The following CABLES1 variants were observed in gnomAD, a reference collection of about 807,000 sequenced individuals.
CABLES1 encodes Cdk5 and Abl enzyme substrate 1, also known as CDK5 and ABL1 enzyme substrate 1.
Under a neutral mutation model 57.8 loss-of-function variants are expected in CABLES1, and 36 were observed. That is an observed-to-expected ratio of 0.62 (90% CI 0.48 to 0.82). The LOEUF is 0.82. Among genes scored for constraint, CABLES1 ranks in the 40% least tolerant of loss-of-function variants. The pLI, the probability that CABLES1 is intolerant of heterozygous loss-of-function variation, is 0.00. For synonymous variants in CABLES1, 374 were observed against 363.0 expected, an observed-to-expected ratio of 1.03 and a Z score of -0.35; for missense variants, 767 against 836.6, an observed-to-expected ratio of 0.92 and a Z score of 1.03.
At chr18:23,200,654 C>T (rs957161652) in intron 3 of CABLES1, among the ~76,000 whole-genome samples, 1 of 152,202 alleles carries the variant, frequency 6.6e-6, no homozygotes, top group Non-Finnish European at 1.5e-5. Flanking sequence ...AGGTTGCTAG[C>T]AGTCAACGTG....
At chr18:23,185,942 T>C (rs1277759768) in intron 1 of CABLES1, among the ~76,000 whole-genome samples, 1 of 152,216 alleles carries the variant, frequency 6.6e-6, no homozygotes, top group Non-Finnish European at 1.5e-5. Flanking sequence ...CACTGCCTTC[T>C]GGCTGTAGGG....
rs569579022 is a variant in CABLES1, at chr18:23,174,821, CATATATATATATATATATATATATAT to C, written c.846-14002_846-13977del. Among the ~76,000 whole-genome samples the C allele has an allele frequency of 1.4e-3, 135 of 94,566 alleles. 2 individuals are homozygous for C. The South Asian group carries it at 0.018, about 13-fold the overall frequency. The allele number at this position is 94,566 out of a possible 152,430, so 62.0% of individuals were successfully genotyped here. ...ATTTGTATGTATATACATGTTACAC[CATATATATATATATATATATATATAT>C]ATATATATATATATGTTTTTTAAAC... On this transcript the variant is annotated intron_variant, in intron 1 of 9. Coordinates refer to ENST00000256925, the MANE Select transcript of CABLES1 (RefSeq NM_001100619.3).
chr18:23,239,990 C>T (rs533255014), intron 7 of CABLES1, among the ~76,000 whole-genome samples: 10 of 152,240 alleles, frequency 6.6e-5, no homozygotes, highest in South Asian at 2.1e-4. Context: ...TGGTGTTGCG[C>T]GCCTGTAGTC....
At chr18:23,242,351 A>G (rs2047756955) in intron 7 of CABLES1, among the ~76,000 whole-genome samples, 1 of 152,184 alleles carries the variant, frequency 6.6e-6, no homozygotes. Flanking sequence ...TCAAGTTTCT[A>G]GAAGGTGACC....
chr18:23,213,220 G>A lies in CABLES1; in HGVS notation c.1011-757G>A, dbSNP rs1568070221. Reference sequence around the variant, plus strand: ...CAAAAGTAAATAAGCTTCCCCATATGATGTGATATTGACTTTGTGCTACAA... The same window carrying A: ...CAAAAGTAAATAAGCTTCCCCATATAATGTGATATTGACTTTGTGCTACAA... On this transcript the variant is annotated intron_variant, in intron 3 of 9. Coordinates refer to ENST00000256925, the MANE Select transcript of CABLES1 (RefSeq NM_001100619.3). Among the ~76,000 whole-genome samples, 3 of 152,210 alleles carry A rather than the reference G, an allele frequency of 2.0e-5. No individual in the cohort carries two copies. The South Asian group carries it at 6.2e-4, about 31-fold the overall frequency.
At chr18:23,239,091 T>C (rs2047673122) in intron 7 of CABLES1, among the ~76,000 whole-genome samples, 1 of 152,262 alleles carries the variant, frequency 6.6e-6, no homozygotes, top group Non-Finnish European at 1.5e-5. Context: ...ATCTTTTTTT[T>C]CTTTAAATGA....
chr18:23,145,202 G>C (rs537785461), intron 1 of CABLES1, among the ~76,000 whole-genome samples: 68 of 152,260 alleles, frequency 4.5e-4, no homozygotes, highest in African/African-American at 1.5e-3. Context: ...CTTCCAAAGT[G>C]CTGGGATTAC....
In CABLES1 at chr18:23,136,381, G is replaced by A. The variant is rs2046821508; in HGVS notation, c.619G>A (p.Glu207Lys). Residue 207 changes from glutamate to lysine, a missense_variant, in exon 1 of 10, where the codon GAG becomes AAG. Around this residue, in one of 4 missense-constraint regions of CABLES1, gnomAD observed 529 missense variants for 622.8 expected, o/e 0.85. Coordinates refer to ENST00000256925, the MANE Select transcript of CABLES1 (RefSeq NM_001100619.3). ...CGGGTCCGGGGCCGCCGGGCAGGAG[G>A]AGTTGGAGGAGGACGATGCCTTTAT... ...LDGSGAAGQE[E>K]LEEDDAFISV... The A allele has an allele frequency of 2.6e-6, 4 of 1,560,052 alleles. No individual in the cohort carries two copies. The highest frequency in any genetic ancestry group is 1.2e-5 in the South Asian group (1 of 84,738).
intron 1 of CABLES1, among the ~76,000 whole-genome samples, chr18:23,158,036 C>G (rs1024925789): frequency 6.6e-6 from 1 of 151,066 alleles, no homozygotes; most frequent in African/African-American, 2.4e-5. Flanking sequence ...AATCCCGGCA[C>G]TTTGGGAGGC....
At chr18:23,137,185 G>C (rs985209789) in intron 1 of CABLES1, among the ~76,000 whole-genome samples, 1 of 152,228 alleles carries the variant, frequency 6.6e-6, no homozygotes, top group African/African-American at 2.4e-5. Flanking sequence ...AGGCCTAGGG[G>C]GGTGGGGAAC....
At chr18:23,215,719 A>G (rs1020649307) in intron 4 of CABLES1, among the ~76,000 whole-genome samples, 1 of 152,112 alleles carries the variant, frequency 6.6e-6, no homozygotes, top group African/African-American at 2.4e-5. Flanking sequence ...ACACATTAAA[A>G]TTACACACAC....
chr18:23,154,908 G>A (rs1354278464), intron 1 of CABLES1, among the ~76,000 whole-genome samples: 1 of 152,340 alleles, frequency 6.6e-6, no homozygotes, highest in East Asian at 1.9e-4. Flanking sequence ...AACATACGCT[G>A]ATATTCATGT....
intron 7 of CABLES1, among the ~76,000 whole-genome samples, chr18:23,241,096 A>G (rs2047724813): frequency 6.6e-6 from 1 of 152,174 alleles, no homozygotes; most frequent in Non-Finnish European, 1.5e-5. Context: ...GTCACCATAG[A>G]TTAGTTTTAC....
intron 7 of CABLES1, among the ~76,000 whole-genome samples, chr18:23,246,225 C>T (rs2047875669): frequency 6.6e-6 from 1 of 151,162 alleles, no homozygotes; most frequent in Non-Finnish European, 1.5e-5. Flanking sequence ...GATCACACCA[C>T]TGCACACTCC....
intron 1 of CABLES1, among the ~76,000 whole-genome samples, chr18:23,150,303 C>T (rs9675430): frequency 0.038 from 5,752 of 150,748 alleles, 343 homozygotes; most frequent in African/African-American, 0.13. Flanking sequence ...CCACCTCCCG[C>T]GTTCATGCCA....
intron 7 of CABLES1, among the ~76,000 whole-genome samples, chr18:23,238,147 C>T (rs2047651598): frequency 6.6e-6 from 1 of 152,262 alleles, no homozygotes. Flanking sequence ...TCTGGAGCCC[C>T]AGCCTTAGGA....
At chr18:23,183,838 G>C (rs1228729693) in intron 1 of CABLES1, among the ~76,000 whole-genome samples, 1 of 152,170 alleles carries the variant, frequency 6.6e-6, no homozygotes, top group East Asian at 1.9e-4. Context: ...TAATTTATGA[G>C]GGAAATTACA....
intron 1 of CABLES1, among the ~76,000 whole-genome samples, chr18:23,150,210 T>TTTTTGTTTTTTTTTTTTTTGTTTTTG (rs1555658974): frequency 7.1e-6 from 1 of 141,704 alleles, no homozygotes; most frequent in African/African-American, 2.7e-5. Context: ...GGTGTTTGTT[T>TTTTTGTTTTTTTTTTTTTTGTTTTTG]TTTTTTTTTT....
At chr18:23,225,271 T>G (rs1168146292) in intron 4 of CABLES1, among the ~76,000 whole-genome samples, 1 of 152,260 alleles carries the variant, frequency 6.6e-6, no homozygotes, top group Non-Finnish European at 1.5e-5. Context: ...AAATAATGGA[T>G]TCACCTTGAG....
Sources: allele counts gnomAD v4.1 joint callset (sites outside exome capture counted in the v4.1 genomes callset), GRCh38; gene constraint gnomAD v4.1.1; regional missense constraint gnomAD v4.1.1; transcripts MANE v1.5; gene names NCBI Gene and HGNC (gene_info 2026-07-23, HGNC 2026-07-21).